SIGLEC7: variants seen among roughly 807,000 people sequenced by gnomAD.
The protein encoded by SIGLEC7 is sialic acid binding Ig like lectin 7.
SIGLEC7 carries 33 observed loss-of-function variants against 40.8 expected under a neutral mutation model. The ratio of observed to expected loss-of-function variants is 0.81; its 90% confidence interval spans 0.61 to 1.08. SIGLEC7 has a LOEUF of 1.08. SIGLEC7 is among the 50% of genes least tolerant of loss of function. The probability of loss-of-function intolerance (pLI) is 0.00; values close to 1 mark genes in which losing one functional copy is unlikely to be tolerated. For synonymous variants in SIGLEC7, 242 were observed against 237.6 expected, an observed-to-expected ratio of 1.02 and a Z score of -0.17; for missense variants, 513 against 576.1, an observed-to-expected ratio of 0.89 and a Z score of 1.12.
chr19:51,146,953 T>C, intron 5 of SIGLEC7, 103 bp downstream of exon 5: 1 of 1,237,186 alleles, frequency 8.1e-7, no homozygotes, highest in Non-Finnish European at 1.1e-6. Context: ...GGTCAAGAGC[T>C]TGGGGCAAGA....
chr19:51,142,548 C>T lies in SIGLEC7; in HGVS notation c.179C>T (p.Pro60Leu). 6.2e-7 allele frequency: 1 copy of T among 1,614,172 alleles called. No individual in the cohort carries two copies. Among genetic ancestry groups the T allele is most frequent in the Non-Finnish European group, 8.5e-7 (1 of 1,180,032 alleles). ...YPVDSQTDSD[P>L]VHGYWFRAGN... ...GTGGACAGCCAGACTGACTCTGACCCAGTTCATGGCTACTGGTTCCGGGCA... is the reference window on the plus strand; with the variant it reads ...GTGGACAGCCAGACTGACTCTGACCTAGTTCATGGCTACTGGTTCCGGGCA... Residue 60 changes from proline (P) to leucine (L), a missense_variant, in exon 1 of 7, where the codon CCA becomes CTA. Pro to Leu is a moderately conservative substitution (Grantham distance 98). Transcript: ENST00000317643. The surrounding 1 kb of genome is among the most constrained non-coding windows in gnomAD (Gnocchi z 5.0).
chr19:51,148,811 T>G (rs891640308), intron 6 of SIGLEC7, among the ~76,000 whole-genome samples: 1 of 152,240 alleles, frequency 6.6e-6, no homozygotes, highest in African/African-American at 2.4e-5. Context: ...GCCGACAGTA[T>G]AAGTGTTCCC....
Position 51,142,662 on chromosome 19 carries a change from T to C in SIGLEC7, c.293T>C (p.Leu98Pro), listed in dbSNP as rs749067116. The C allele has an allele frequency of 1.4e-5, 22 of 1,614,016 alleles. No homozygotes were observed. The highest frequency in any genetic ancestry group is 1.6e-4 in the Middle Eastern group (1 of 6,082). Residue 98 changes from leucine (L) to proline (P), a missense_variant, in exon 1 of 7, where the codon CTT becomes CCT. Transcript: ENST00000317643. This position sits in a 1 kb window ranked among gnomAD's most constrained non-coding sequence, Gnocchi z 5.0. ...QEETRDRFHL[L>P]GDPQTKNCTL... is the part of the protein sequence containing the mutation. ...GAAACTCGGGACCGATTCCACCTCC[T>C]TGGGGACCCACAGACCAAAAATTGC...
chr19:51,142,844 G>A lies in SIGLEC7; in HGVS notation c.433+42G>A. ...AAGAGAGGCCAAAGGCAAATGTGATGAGGGCTTTAGGGCACGGCTGAGACG... is the reference window on the plus strand; with the variant it reads ...AAGAGAGGCCAAAGGCAAATGTGATAAGGGCTTTAGGGCACGGCTGAGACG... On this transcript the variant is annotated intron_variant, in intron 1 of 6. Coordinates refer to ENST00000317643, the MANE Select transcript of SIGLEC7 (RefSeq NM_014385.4). This position sits in a 1 kb window ranked among gnomAD's most constrained non-coding sequence, Gnocchi z 5.0. 1.9e-6 allele frequency: 3 copies of A among 1,545,128 alleles called. No homozygotes were observed. The highest frequency in any genetic ancestry group is 2.5e-5 in the South Asian group (2 of 79,794).
rs1260684777 is a variant in SIGLEC7, at chr19:51,145,061, T to C, written c.760+102T>C. ...TGGACTCACCCTGGTGATATGAGACTCCCTTGTAGTTGAACCCAGGCCTCC... is the reference window on the plus strand; with the variant it reads ...TGGACTCACCCTGGTGATATGAGACCCCCTTGTAGTTGAACCCAGGCCTCC... On this transcript the variant is annotated intron_variant, in intron 3 of 6. Coordinates refer to ENST00000317643, the MANE Select transcript of SIGLEC7 (RefSeq NM_014385.4). This position sits in a 1 kb window ranked among gnomAD's most constrained non-coding sequence, Gnocchi z 4.3. The C allele has an allele frequency of 8.6e-7, 1 of 1,169,558 alleles. No individual in the cohort carries two copies. The highest frequency in any genetic ancestry group is 1.5e-5 in the African/African-American group (1 of 66,060). 72.4% of individuals were successfully genotyped at this position (1,169,558 alleles called of 1,614,324 possible). A position where few individuals can be genotyped will look rare whatever the true frequency, so the allele number is the denominator to read the frequency against.
In SIGLEC7 at chr19:51,153,406, C is replaced by T; in HGVS notation, c.*161C>T. The T allele has an allele frequency of 2.0e-6, 1 of 511,162 alleles. No homozygotes were observed. The highest frequency in any genetic ancestry group is 3.3e-6 in the Non-Finnish European group (1 of 304,498). The allele number at this position is 511,162 out of a possible 1,614,324, so 31.7% of individuals were successfully genotyped here. A position where few individuals can be genotyped will look rare whatever the true frequency, so the allele number is the denominator to read the frequency against. Reference sequence around the variant, plus strand: ...AAAATGCATGCCTGATGACCAAACTCTCCCTTTCCCCATCCAATCGGTCCA... The same window carrying T: ...AAAATGCATGCCTGATGACCAAACTTTCCCTTTCCCCATCCAATCGGTCCA... On this transcript the variant is annotated 3_prime_UTR_variant, in exon 7 of 7. Coordinates refer to ENST00000317643, the MANE Select transcript of SIGLEC7 (RefSeq NM_014385.4).
intron 4 of SIGLEC7, 38 bp from the exon 5 acceptor site, chr19:51,146,716 G>A (rs764783110): frequency 6.3e-7 from 1 of 1,577,746 alleles, no homozygotes; most frequent in Non-Finnish European, 8.7e-7. Context: ...CCCAGTTCTT[G>A]GAGTTGGATC....
intron 6 of SIGLEC7, among the ~76,000 whole-genome samples, chr19:51,148,172 T>C (rs1163328266): frequency 6.6e-6 from 1 of 152,140 alleles, no homozygotes; most frequent in African/African-American, 2.4e-5. Flanking sequence ...TCTCAGTAAT[T>C]GTGATAGTTT....
chr19:51,150,212 T>C (rs767281832), intron 6 of SIGLEC7, among the ~76,000 whole-genome samples: 5 of 152,218 alleles, frequency 3.3e-5, no homozygotes, highest in Non-Finnish European at 5.9e-5. Flanking sequence ...GAGGGCATCC[T>C]TGTCTTGTGC....
Position 51,144,559 on chromosome 19 carries a change from C to T in SIGLEC7, c.587C>T (p.Thr196Ile). The change falls in exon 2 of 7, where the codon ACC (threonine) becomes ATC (isoleucine). Residue 196 changes from threonine to isoleucine, a missense_variant. Coordinates refer to ENST00000317643, the MANE Select transcript of SIGLEC7 (RefSeq NM_014385.4). ...GTSVSPLHPS[T>I]TRSSVLTLIP... ...TCTGTGTCCCCCCTGCACCCCTCCA[C>T]CACCCGCTCCTCAGTGCTCACCCTC... 1 of 1,613,890 alleles carries T rather than the reference C, an allele frequency of 6.2e-7. No individual in the cohort carries two copies. The highest frequency in any genetic ancestry group is 1.1e-5 in the South Asian group (1 of 91,084).
chr19:51,153,043 T>C lies in SIGLEC7; in HGVS notation c.1222-20T>C, dbSNP rs777870151. On this transcript the variant is annotated intron_variant, in intron 6 of 6. Transcript: ENST00000317643. ...TATTTCCACTGCTCTGCTCTGACTC[T>C]CTTCTCTCTCTCCATTCAGGGTAAC... 6.6e-7 allele frequency: 1 copy of C among 1,518,850 alleles called. No homozygotes were observed. The highest frequency in any genetic ancestry group is 2.3e-5 in the East Asian group (1 of 43,302). 94.1% of individuals were successfully genotyped at this position (1,518,850 alleles called of 1,614,324 possible).
rs747685526 is a variant in SIGLEC7 at position 51,144,969 on chromosome 19, A to G, written c.760+10A>G. On this transcript the variant is annotated intron_variant, in intron 3 of 6. Transcript: ENST00000317643. ...CAAGGAGAAGGCACAGGTAGGATGG[A>G]GCCCCCTCCCTGGGGCTGGGGGAGC... The G allele has an allele frequency of 6.2e-7, 1 of 1,613,612 alleles. No homozygotes were observed. Among genetic ancestry groups the G allele is most frequent in the Admixed American group, 1.7e-5 (1 of 60,008 alleles).
In SIGLEC7 at chr19:51,142,456, G is replaced by A. The variant is rs1355670634; in HGVS notation, c.87G>A (p.Thr29=). Residue 29 remains threonine (T), a synonymous_variant, in exon 1 of 7, where the codon ACG becomes ACA. Transcript: ENST00000317643. The surrounding 1 kb of genome is among the most constrained non-coding windows in gnomAD (Gnocchi z 5.0). Reference sequence around the variant, plus strand: ...GTAACCGGAAGGATTACTCGCTGACGATGCAGAGTTCCGTGACCGTGCAAG... The same window carrying A: ...GTAACCGGAAGGATTACTCGCTGACAATGCAGAGTTCCGTGACCGTGCAAG... ...QKSNRKDYSL[T]MQSSVTVQEG... is the part of the protein sequence containing the mutation. 3 of 1,614,162 alleles carry A rather than the reference G, an allele frequency of 1.9e-6. No homozygotes were observed. The highest frequency in any genetic ancestry group is 2.2e-5 in the East Asian group (1 of 44,874).
Position 51,142,943 on chromosome 19 carries a change from A to T in SIGLEC7, c.433+141A>T. 1.1e-6 allele frequency: 1 copy of T among 943,940 alleles called. No individual in the cohort carries two copies. Among genetic ancestry groups the T allele is most frequent in the South Asian group, 1.6e-5 (1 of 60,824 alleles). 58.5% of individuals were successfully genotyped at this position (943,940 alleles called of 1,614,324 possible). A position where few individuals can be genotyped will look rare whatever the true frequency, so the allele number is the denominator to read the frequency against. ...GCTGGACCAGAGCCTGAGCTTCCCC[A>T]GGACCGCACCTTGGATGCCCCTCCT... On this transcript the variant is annotated intron_variant, in intron 1 of 6. Coordinates refer to ENST00000317643, the MANE Select transcript of SIGLEC7 (RefSeq NM_014385.4). The surrounding 1 kb of genome is among the most constrained non-coding windows in gnomAD (Gnocchi z 5.0).
intron 6 of SIGLEC7, among the ~76,000 whole-genome samples, chr19:51,151,409 G>C (rs1224440080): frequency 2.6e-5 from 4 of 152,176 alleles, no homozygotes; most frequent in African/African-American, 7.2e-5. Context: ...AGAACGCGGG[G>C]GTTTGAATTA....
Position 51,147,480 on chromosome 19 carries a change from A to G in SIGLEC7, c.1221+163A>G, listed in dbSNP as rs370388646. On this transcript the variant is annotated intron_variant, in intron 6 of 6. Transcript: ENST00000317643. ...CAGGATTCCCCATCTTGCTGACTGCATGACAGTCCCTCCTACCTACTTTCT... is the reference window on the plus strand; with the variant it reads ...CAGGATTCCCCATCTTGCTGACTGCGTGACAGTCCCTCCTACCTACTTTCT... 4.5e-4 allele frequency among the ~76,000 whole-genome samples: 68 copies of G among 152,290 alleles called. 9 individuals are homozygous for G. In the South Asian group the frequency reaches 6.0e-3, roughly 13 times the overall value.
chr19:51,149,766 A>T (rs866184532), intron 6 of SIGLEC7, among the ~76,000 whole-genome samples: 3 of 152,134 alleles, frequency 2.0e-5, no homozygotes, highest in Non-Finnish European at 4.4e-5. Context: ...AATGATTTTG[A>T]TTCTTTTTAT....
rs142379438 is a variant in SIGLEC7, at chr19:51,153,524, G to A, written c.*279G>A. ...ATTCCGAATATAGTGAGATTGTAAC[G>A]TGTTTGTCTCTCTGTGCCTGGCTTA... is the stretch of plus-strand genomic sequence containing the variant. On this transcript the variant is annotated 3_prime_UTR_variant, in exon 7 of 7. Transcript: ENST00000317643. 3 of 234,906 alleles carry A rather than the reference G, an allele frequency of 1.3e-5. No homozygotes were observed. The East Asian group carries it at 2.3e-4, about 18-fold the overall frequency. The allele number at this position is 234,906 out of a possible 1,614,324, so 14.6% of individuals were successfully genotyped here.
At position 51,144,645 on chromosome 19, in the gene SIGLEC7, G is replaced by A. The variant is rs769728884; in HGVS notation, c.673G>A (p.Gly225Ser). The A allele has an allele frequency of 3.1e-5, 50 of 1,613,732 alleles. 1 individual carries two copies. The South Asian group carries it at 3.3e-4, about 11-fold the overall frequency. Residue 225 changes from glycine to serine, a missense_variant, in exon 2 of 7, where the codon GGC (glycine) becomes AGC (serine). Transcript: ENST00000317643. ...CTGTCAGGTGACCTTGCCTGGGGCC[G>A]GCGTGACCACGAACAGGACCATCCA... Reference protein sequence around the residue: ...LTCQVTLPGAGVTTNRTIQLN... With the variant: ...LTCQVTLPGASVTTNRTIQLN...
Sources: allele counts gnomAD v4.1 joint callset (sites outside exome capture counted in the v4.1 genomes callset), GRCh38; gene constraint gnomAD v4.1.1; non-coding constraint Gnocchi (gnomAD v3.1); transcripts MANE v1.5; gene names NCBI Gene and HGNC (gene_info 2026-07-23, HGNC 2026-07-21).